MIS12: variants seen among roughly 807,000 people sequenced by gnomAD.
MIS12 encodes the protein MIS12 kinetochore complex component.
Under a neutral mutation model 16.5 loss-of-function variants are expected in MIS12, and 13 were observed. The ratio of observed to expected loss-of-function variants is 0.79; its 90% CI spans 0.51 to 1.25. The LOEUF (loss-of-function observed/expected upper bound fraction) is 1.25. Ranked by LOEUF, MIS12 falls within the 50% of genes most tolerant of loss-of-function variation. The probability of loss-of-function intolerance (pLI) is 0.00; values close to 1 mark genes in which losing one functional copy is unlikely to be tolerated. For synonymous variants in MIS12, 97 were observed against 87.3 expected, an observed-to-expected ratio of 1.11 and a Z score of -0.62; for missense variants, 199 against 239.5, an observed-to-expected ratio of 0.83 and a Z score of 1.12.
rs1461624731 is a variant in MIS12 at position 5,490,773 on chromosome 17, C to T, written c.*1293C>T. 6.0e-6 allele frequency: 1 copy of T among 166,764 alleles called. No individual in the cohort carries two copies. The highest frequency in any genetic ancestry group is 1.5e-5 in the Non-Finnish European group (1 of 68,102). The allele number at this position is 166,764 out of a possible 1,614,324, so 10.3% of individuals were successfully genotyped here. On this transcript the variant is annotated 3_prime_UTR_variant, in exon 3 of 3. Coordinates refer to ENST00000611091, the MANE Select transcript of MIS12 (RefSeq NM_001258217.2). ...GAAATATGTTTATTATCAAGAAGTC[C>T]TTTTTCCAATTCTGTACATTAAATA... is the stretch of plus-strand genomic sequence containing the variant.
rs766864209 is a variant in MIS12, at chr17:5,488,885, A to G, written c.23A>G (p.Tyr8Cys). MSVDPMTYEAQFFGFTPQ... is the reference protein window; with the variant it reads MSVDPMTCEAQFFGFTPQ... ...AAGATGTCTGTGGATCCAATGACCTACGAGGCCCAGTTCTTTGGCTTCACG... is the reference window on the plus strand; with the variant it reads ...AAGATGTCTGTGGATCCAATGACCTGCGAGGCCCAGTTCTTTGGCTTCACG... The change falls in exon 3 of 3, where the codon TAC becomes TGC. Residue 8 changes from tyrosine to cysteine, a missense_variant. Transcript: ENST00000611091. 4 of 1,613,738 alleles carry G rather than the reference A, an allele frequency of 2.5e-6. No individual in the cohort carries two copies. The highest frequency in any genetic ancestry group is 1.1e-5 in the South Asian group (1 of 91,066).
In MIS12 at chr17:5,489,205, C is replaced by T; in HGVS notation, c.343C>T (p.Gln115Ter). 1 of 1,614,194 alleles carries T rather than the reference C, an allele frequency of 6.2e-7. No individual in the cohort carries two copies. The highest frequency in any genetic ancestry group is 8.5e-7 in the Non-Finnish European group (1 of 1,180,040). Residue 115 changes from glutamine (Q) to a stop codon, truncating the protein, a stop_gained, in exon 3 of 3, where the codon CAG becomes TAG. Transcript: ENST00000611091. LOFTEE classifies it high-confidence loss of function. ...GACACCTTATAGTGAGGAAGATTTT[C>T]AGCATCTCCAGAAAGAAATTGAACA... ...KETPYSEEDFQHLQKEIEQLQ... is the reference protein window; with the variant it reads ...KETPYSEEDF
In MIS12 at chr17:5,489,288, A is replaced by G. The variant is rs1412146144; in HGVS notation, c.426A>G (p.Leu142=). 5 of 1,613,936 alleles carry G rather than the reference A, an allele frequency of 3.1e-6. No individual in the cohort carries two copies. Among genetic ancestry groups the G allele is most frequent in the Non-Finnish European group, 4.2e-6 (5 of 1,180,036 alleles). The change falls in exon 3 of 3, where the codon TTA becomes TTG. Residue 142 remains leucine, a synonymous_variant. Transcript: ENST00000611091. ...LCTKQALLAE[L]EEQKIVQAKL... Reference sequence around the variant, plus strand: ...CTAAGCAGGCCCTTCTTGCAGAATTAGAAGAGCAAAAAATTGTTCAGGCCA... The same window carrying G: ...CTAAGCAGGCCCTTCTTGCAGAATTGGAAGAGCAAAAAATTGTTCAGGCCA...
Position 5,489,459 on chromosome 17 carries a change from G to C in MIS12, c.597G>C (p.Ser199=). The C allele has an allele frequency of 1.9e-6, 3 of 1,586,962 alleles. No individual in the cohort carries two copies. Among genetic ancestry groups the C allele is most frequent in the Non-Finnish European group, 2.6e-6 (3 of 1,171,934 alleles). Residue 199 remains serine (S), a synonymous_variant, in exon 3 of 3, where the codon TCG becomes TCC. Coordinates refer to ENST00000611091, the MANE Select transcript of MIS12 (RefSeq NM_001258217.2). ...QNIRDNVEKE[S]KRLKIS is the part of the protein sequence containing the mutation. ...TTAGAGACAATGTGGAAAAGGAATCGAAACGACTGAAAATATCTTAATTGC... is the reference window on the plus strand; with the variant it reads ...TTAGAGACAATGTGGAAAAGGAATCCAAACGACTGAAAATATCTTAATTGC...
In MIS12 at chr17:5,489,260, G is replaced by A. The variant is rs1483987109; in HGVS notation, c.398G>A (p.Cys133Tyr). Reference sequence around the variant, plus strand: ...CAGGAGAAGTACAAGACTGAATTATGTACTAAGCAGGCCCTTCTTGCAGAA... The same window carrying A: ...CAGGAGAAGTACAAGACTGAATTATATACTAAGCAGGCCCTTCTTGCAGAA... ...QLQEKYKTEL[C>Y]TKQALLAELE... Residue 133 changes from cysteine to tyrosine, a missense_variant, in exon 3 of 3, where the codon TGT becomes TAT. Physicochemically the swap from Cys to Tyr is radical, Grantham distance 194. Transcript: ENST00000611091. The A allele has an allele frequency of 1.9e-6, 3 of 1,614,010 alleles. No homozygotes were observed. Among genetic ancestry groups the A allele is most frequent in the Non-Finnish European group, 2.5e-6 (3 of 1,180,050 alleles).
At chr17:5,488,785 T>C (rs889073882) in intron 2 of MIS12, 38 bp from the exon 3 acceptor site, 17 of 1,488,600 alleles carry the variant, frequency 1.1e-5, no homozygotes, top group Non-Finnish European at 1.5e-5. Flanking sequence ...AGAAGATTTT[T>C]TTTTTCCAAA....
intron 1 of MIS12, chr17:5,487,421 G>A (rs1325160929): frequency 6.6e-6 from 1 of 152,340 alleles, no homozygotes; most frequent in Non-Finnish European, 1.5e-5. Context: ...GGGCGACAGA[G>A]CGACAACATG....
chr17:5,488,658 CA>C (rs5819028), intron 2 of MIS12, 69 bp downstream of exon 2: 565,821 of 565,826 alleles, frequency 1, 282,908 homozygotes, highest in Middle Eastern at 1. Flanking sequence ...CTCAGAGAGG[CA>C]AAGAGTTTAT....
chr17:5,489,139 A>G lies in MIS12; in HGVS notation c.277A>G (p.Ile93Val). ...EQLFLQLILR[I>V]PSNILLPEDK... ...ACTGTTTTTGCAGCTGATTTTACGT[A>G]TTCCCTCAAACATCTTGCTTCCTGA... is the stretch of plus-strand genomic sequence containing the variant. The change falls in exon 3 of 3, where the codon ATT becomes GTT. Residue 93 changes from isoleucine (I) to valine (V), a missense_variant. Physicochemically the swap from Ile to Val is conservative, Grantham distance 29 (BLOSUM62 3). Transcript: ENST00000611091. 1.9e-6 allele frequency: 3 copies of G among 1,614,190 alleles called. No individual in the cohort carries two copies. Among genetic ancestry groups the G allele is most frequent in the Non-Finnish European group, 2.5e-6 (3 of 1,180,026 alleles).
At chr17:5,486,384 C>T (rs571373192), upstream of MIS12, 54 of 506,022 alleles carry the variant, frequency 1.1e-4, no homozygotes, top group Non-Finnish European at 1.8e-4. Flanking sequence ...ATCTCCCCAC[C>T]CTCTCTTCTC....
In MIS12 at chr17:5,489,562, A is replaced by G; in HGVS notation, c.*82A>G. 3 of 1,386,138 alleles carry G rather than the reference A, an allele frequency of 2.2e-6. No individual in the cohort carries two copies. Among genetic ancestry groups the G allele is most frequent in the East Asian group, 2.4e-5 (1 of 41,974 alleles). 85.9% of individuals were successfully genotyped at this position (1,386,138 alleles called of 1,614,324 possible). A position where few individuals can be genotyped will look rare whatever the true frequency, so the allele number is the denominator to read the frequency against. On this transcript the variant is annotated 3_prime_UTR_variant, in exon 3 of 3. Transcript: ENST00000611091. ...AAACCATAAGGACTGTTCAAATCATACCAGTGACTGTTCAAACCAACCATA... is the reference window on the plus strand; with the variant it reads ...AAACCATAAGGACTGTTCAAATCATGCCAGTGACTGTTCAAACCAACCATA...
chr17:5,489,458 C>T lies in MIS12; in HGVS notation c.596C>T (p.Ser199Leu), dbSNP rs781748290. 5.0e-6 allele frequency: 8 copies of T among 1,588,142 alleles called. No homozygotes were observed. Among genetic ancestry groups the T allele is most frequent in the African/African-American group, 4.1e-5 (3 of 73,216 alleles). The change falls in exon 3 of 3, where the codon TCG (serine) becomes TTG (leucine). Residue 199 changes from serine (S) to leucine (L), a missense_variant. Physicochemically the swap from Ser to Leu is moderately radical, Grantham distance 145 (BLOSUM62 -2). Coordinates refer to ENST00000611091, the MANE Select transcript of MIS12 (RefSeq NM_001258217.2). ...ATTAGAGACAATGTGGAAAAGGAAT[C>T]GAAACGACTGAAAATATCTTAATTG... is the stretch of plus-strand genomic sequence containing the variant. ...QNIRDNVEKESKRLKIS is the reference protein window; with the variant it reads ...QNIRDNVEKELKRLKIS
At chr17:5,486,473 C>T (rs1258321005), upstream of MIS12, 1 of 276,734 alleles carries the variant, frequency 3.6e-6, no homozygotes, top group Non-Finnish European at 6.8e-6. Context: ...AACTTTCCCG[C>T]CCGGCCCCTT....
upstream of MIS12, chr17:5,486,467 T>G (rs1906325796): frequency 4.8e-4 from 110 of 227,926 alleles, no homozygotes; most frequent in Non-Finnish European, 6.4e-4. Flanking sequence ...ACAGCTAACT[T>G]TCCCGCCCGG....
At chr17:5,488,790 T>C (rs1346639770) in intron 2 of MIS12, 33 bp from the exon 3 acceptor site, 4 of 1,507,458 alleles carry the variant, frequency 2.7e-6, no homozygotes, top group African/African-American at 2.8e-5. Context: ...ATTTTTTTTT[T>C]CCAAATGAAT....
In MIS12 at chr17:5,490,764, C is replaced by T. The variant is rs1302533780; in HGVS notation, c.*1284C>T. 6.0e-6 allele frequency: 1 copy of T among 166,936 alleles called. No homozygotes were observed. Among genetic ancestry groups the T allele is most frequent in the Non-Finnish European group, 1.5e-5 (1 of 68,112 alleles). 10.3% of individuals were successfully genotyped at this position (166,936 alleles called of 1,614,324 possible). ...TGTTTACATGAAATATGTTTATTAT[C>T]AAGAAGTCCTTTTTCCAATTCTGTA... On this transcript the variant is annotated 3_prime_UTR_variant, in exon 3 of 3. Transcript: ENST00000611091.
chr17:5,487,318 C>T (rs1286543848), intron 1 of MIS12, among the ~76,000 whole-genome samples: 1 of 151,982 alleles, frequency 6.6e-6, no homozygotes, highest in Non-Finnish European at 1.5e-5. Context: ...CACCTGTTGT[C>T]CCGGCTACTT....
rs753842142 is a variant in MIS12, at chr17:5,489,506, C to G, written c.*26C>G. On this transcript the variant is annotated 3_prime_UTR_variant, in exon 3 of 3. Transcript: ENST00000611091. ...TTGCTCAGTAGTCAAAAGGAGGAGCCTGTCAAAAAGTAGAATCATAAGGAC... is the reference window on the plus strand; with the variant it reads ...TTGCTCAGTAGTCAAAAGGAGGAGCGTGTCAAAAAGTAGAATCATAAGGAC... 1.3e-6 allele frequency: 2 copies of G among 1,551,302 alleles called. No homozygotes were observed. Among genetic ancestry groups the G allele is most frequent in the African/African-American group, 2.8e-5 (2 of 72,294 alleles).
rs201555013 is a variant in MIS12, at chr17:5,489,375, T to G, written c.513T>G (p.Thr171=). The change falls in exon 3 of 3, where the codon ACT becomes ACG. Residue 171 remains threonine, a synonymous_variant. Transcript: ENST00000611091. ...ELHNVGRDHG[T]SDFRESLVSL... ...ATAATGTTGGCAGAGATCATGGGACTAGTGATTTTAGGGAGAGTTTAGTAT... is the reference window on the plus strand; with the variant it reads ...ATAATGTTGGCAGAGATCATGGGACGAGTGATTTTAGGGAGAGTTTAGTAT... 1.9e-6 allele frequency: 3 copies of G among 1,614,098 alleles called. No homozygotes were observed. The highest frequency in any genetic ancestry group is 2.5e-6 in the Non-Finnish European group (3 of 1,180,022).
Sources: allele counts gnomAD v4.1 joint callset (sites outside exome capture counted in the v4.1 genomes callset), GRCh38; gene constraint gnomAD v4.1.1; transcripts MANE v1.5; gene names NCBI Gene and HGNC (gene_info 2026-07-23, HGNC 2026-07-21).